The following EIF3A variants were observed in gnomAD, a reference collection of about 807,000 sequenced individuals.
The protein encoded by EIF3A is eukaryotic translation initiation factor 3 subunit A.
A neutral mutation model predicts 186.6 loss-of-function variants in EIF3A; 21 were observed. That is an observed-to-expected ratio of 0.11 (90% CI 0.08 to 0.16). EIF3A has a LOEUF of 0.16. Ranked by LOEUF, EIF3A falls within the 10% of genes least tolerant of loss-of-function variation. The probability of loss-of-function intolerance (pLI) is 1.00; values close to 1 mark genes in which losing one functional copy is unlikely to be tolerated. For synonymous variants in EIF3A, 563 were observed against 584.3 expected (o/e 0.96, Z 0.52); for missense variants, 1,306 against 1,796.3 (o/e 0.73, Z 4.93).
intron 4 of EIF3A, 94 bp downstream of exon 4, chr10:119,072,796 G>A (rs1844099833): frequency 1.4e-6 from 2 of 1,420,242 alleles, no homozygotes; most frequent in Admixed American, 4.4e-5. Flanking sequence ...ATTTCAATAA[G>A]GATAAAAACT....
intron 17 of EIF3A, among the ~76,000 whole-genome samples, chr10:119,047,886 G>T (rs1848301773): frequency 6.6e-6 from 1 of 152,016 alleles, no homozygotes. Context: ...AAATAGAGGA[G>T]CAGAGAAAAG....
At chr10:119,071,311 A>C (rs1457325393) in intron 4 of EIF3A, among the ~76,000 whole-genome samples, 1 of 152,154 alleles carries the variant, frequency 6.6e-6, no homozygotes, top group Non-Finnish European at 1.5e-5. Flanking sequence ...TACAACTAAA[A>C]TGTGGTGCTG....
chr10:119,057,206 A>G (rs866560528), intron 12 of EIF3A, among the ~76,000 whole-genome samples, 166 bp from the exon 13 acceptor site: 1 of 152,240 alleles, frequency 6.6e-6, no homozygotes, highest in Admixed American at 6.5e-5. Context: ...CCATTTGACC[A>G]TAAGGAAAAA....
At chr10:119,077,878 G>A (rs1419305485) in intron 1 of EIF3A, among the ~76,000 whole-genome samples, 4 of 152,076 alleles carry the variant, frequency 2.6e-5, no homozygotes, top group South Asian at 2.1e-4. Context: ...AATAGTGGCC[G>A]GGGGAAGCTT....
chr10:119,041,198 T>C (rs1421514605), intron 19 of EIF3A, among the ~76,000 whole-genome samples: 2 of 151,358 alleles, frequency 1.3e-5, no homozygotes, highest in Non-Finnish European at 2.9e-5. Flanking sequence ...AAAATGGTAA[T>C]AGACGCATGT....
chr10:119,038,586 A>T, intron 19 of EIF3A, 147 bp from the exon 20 acceptor site: 1 of 674,852 alleles, frequency 1.5e-6, no homozygotes, highest in Non-Finnish European at 2.5e-6. Flanking sequence ...AGCTGTGTAC[A>T]TCACTGCACA....
rs144110377 is a variant in EIF3A at position 119,037,193 on chromosome 10, T to G, written c.3845A>C (p.Asp1282Ala). The G allele has an allele frequency of 6.2e-7, 1 of 1,613,886 alleles. No homozygotes were observed. Among genetic ancestry groups the G allele is most frequent in the Non-Finnish European group, 8.5e-7 (1 of 1,180,012 alleles). The change falls in exon 21 of 22, where the codon GAT (aspartate) becomes GCT (alanine). Residue 1282 changes from aspartate to alanine, a missense_variant. Transcript: ENST00000369144. ...DRRRERDDRR[D>A]LRERRDLRDD... ...TCTTAGATCTCGTCTTTCTCTTAGA[T>G]CACGCCGGTCATCCCTCTCACGGCG...
At chr10:119,062,986 C>T (rs1459593684) in intron 7 of EIF3A, among the ~76,000 whole-genome samples, 2 of 151,536 alleles carry the variant, frequency 1.3e-5, no homozygotes, top group Non-Finnish European at 2.9e-5. Flanking sequence ...AAACTCCTGA[C>T]CTGAAGTGAT....
At chr10:119,053,725 A>T (rs945503527) in intron 14 of EIF3A, among the ~76,000 whole-genome samples, 7 of 152,124 alleles carry the variant, frequency 4.6e-5, no homozygotes, top group African/African-American at 1.7e-4. Context: ...GTCTCTCAAA[A>T]AAGTAAGAAA....
At position 119,042,591 on chromosome 10, in the gene EIF3A, A is replaced by G. The variant is rs778923892; in HGVS notation, c.2929T>C (p.Phe977Leu). 11 of 1,612,456 alleles carry G rather than the reference A, an allele frequency of 6.8e-6. No homozygotes were observed. The East Asian group carries it at 2.2e-4, about 33-fold the overall frequency. The change falls in exon 19 of 22, where the codon TTC (phenylalanine) becomes CTC (leucine). Residue 977 changes from phenylalanine to leucine, a missense_variant. Around this residue, in one of 8 missense-constraint regions of EIF3A, gnomAD observed 410 missense variants for 473.5 expected, o/e 0.87. Transcript: ENST00000369144. The surrounding 1 kb of genome is among the most constrained non-coding windows in gnomAD (Gnocchi z 7.8). ...GPRRGPEEDR[F>L]SRRGADDDRP... ...TCATCGTCTGCCCCACGACGAGAGA[A>G]CCTATCTTCCTCAGGACCACGTCTA...
chr10:119,060,478 C>A (rs187573727), intron 9 of EIF3A, among the ~76,000 whole-genome samples: 3 of 152,054 alleles, frequency 2.0e-5, no homozygotes, highest in Non-Finnish European at 4.4e-5. Context: ...AATAAATACA[C>A]CACAGTACCT....
intron 6 of EIF3A, among the ~76,000 whole-genome samples, chr10:119,066,997 G>A (rs1309112315): frequency 6.6e-6 from 1 of 152,016 alleles, no homozygotes; most frequent in Non-Finnish European, 1.5e-5. Context: ...TGGATCACCT[G>A]AGGTCAGGAG....
chr10:119,059,102 C>A (rs564914647), intron 11 of EIF3A, 110 bp downstream of exon 11: 3 of 826,858 alleles, frequency 3.6e-6, no homozygotes, highest in South Asian at 1.6e-5. Flanking sequence ...GGAAACATAT[C>A]ATAAATCCCT....
At chr10:119,041,846 T>C (rs1325665246) in intron 19 of EIF3A, 148 bp downstream of exon 19, 2 of 851,124 alleles carry the variant, frequency 2.3e-6, no homozygotes, top group African/African-American at 1.7e-5. Context: ...AGGCAAACTT[T>C]TGACAGCGAA....
rs189639990 is a variant in EIF3A at position 119,035,582 on chromosome 10, C to A, written c.*457G>T. On this transcript the variant is annotated 3_prime_UTR_variant, in exon 22 of 22. Coordinates refer to ENST00000369144, the MANE Select transcript of EIF3A (RefSeq NM_003750.4). ...TACCTCAAAATACCTAAAATAGGTA[C>A]GTATCAACCACTTAAGGGTGTGAAA... The A allele has an allele frequency of 6.5e-6, 1 of 153,512 alleles. No homozygotes were observed. Among genetic ancestry groups the A allele is most frequent in the African/African-American group, 2.4e-5 (1 of 41,390 alleles). The allele number at this position is 153,512 out of a possible 1,614,324, so 9.5% of individuals were successfully genotyped here.
Position 119,075,876 on chromosome 10 carries a change from C to T in EIF3A, c.50-1939G>A, listed in dbSNP as rs1289694739. On this transcript the variant is annotated intron_variant, in intron 1 of 21. Transcript: ENST00000369144. Reference sequence around the variant, plus strand: ...CTACGGAGCTCGCCACCACGCCTGGCTAATTTTTTTTTTTTTTTTTTTTGT... The same window carrying T: ...CTACGGAGCTCGCCACCACGCCTGGTTAATTTTTTTTTTTTTTTTTTTTGT... Among the ~76,000 whole-genome samples the T allele has an allele frequency of 1.6e-4, 14 of 87,060 alleles. No individual in the cohort carries two copies. In the East Asian group the frequency reaches 5.1e-3, roughly 32 times the overall value. The allele number at this position is 87,060 out of a possible 152,430, so 57.1% of individuals were successfully genotyped here.
intron 5 of EIF3A, among the ~76,000 whole-genome samples, chr10:119,070,131 C>T (rs893044620): frequency 6.6e-6 from 1 of 152,218 alleles, no homozygotes; most frequent in Non-Finnish European, 1.5e-5. Flanking sequence ...CACACTTTCA[C>T]TTGGCTCAAA....
intron 6 of EIF3A, among the ~76,000 whole-genome samples, chr10:119,069,109 A>G (rs911510197): frequency 6.6e-6 from 1 of 152,220 alleles, no homozygotes; most frequent in African/African-American, 2.4e-5. Flanking sequence ...AAATTTCTCA[A>G]TTGGGCTTTT....
rs546586334 is a variant in EIF3A at position 119,066,915 on chromosome 10, A to T, written c.951-1345T>A. Among the ~76,000 whole-genome samples, 139 of 152,308 alleles carry T rather than the reference A, an allele frequency of 9.1e-4. 1 individual carries two copies. The highest frequency in any genetic ancestry group is 3.2e-3 in the African/African-American group (134 of 41,576). On this transcript the variant is annotated intron_variant, in intron 6 of 21. Transcript: ENST00000369144. ...TGTCTGGAAGAACATGTTTTTCCTT[A>T]AAACAAACAGATGTGGACCAGGCGC...
Sources: allele counts gnomAD v4.1 joint callset (sites outside exome capture counted in the v4.1 genomes callset), GRCh38; gene constraint gnomAD v4.1.1; regional missense constraint gnomAD v4.1.1; non-coding constraint Gnocchi (gnomAD v3.1); transcripts MANE v1.5; gene names NCBI Gene and HGNC (gene_info 2026-07-23, HGNC 2026-07-21).